TBC1D2B: variants seen among roughly 807,000 people sequenced by gnomAD.
TBC1D2B encodes the protein TBC1 domain family, member 2B.
In TBC1D2B, 64 loss-of-function variants were observed where a neutral mutation model predicts 100.8. That is an observed-to-expected ratio of 0.64 (90% CI 0.52 to 0.78). The LOEUF (loss-of-function observed/expected upper bound fraction) is 0.78, where lower values mean the gene tolerates loss of function less well. Ranked by LOEUF, TBC1D2B falls within the 30% of genes least tolerant of loss-of-function variation. The pLI, the probability that TBC1D2B is intolerant of heterozygous loss-of-function variation, is 0.00. For missense variants in TBC1D2B, 1,052 were observed against 1,218.4 expected, an observed-to-expected ratio of 0.86 and a Z score of 2.03; for synonymous variants, 480 against 479.7, an observed-to-expected ratio of 1.00 and a Z score of -0.01.
At chr15:78,048,762 G>A (rs1567029412) in intron 2 of TBC1D2B, among the ~76,000 whole-genome samples, 1 of 152,264 alleles carries the variant, frequency 6.6e-6, no homozygotes, top group East Asian at 1.9e-4. Flanking sequence ...GGGACTCCCC[G>A]CACAGGGGCG....
chr15:78,052,079 G>T (rs1287180482), intron 2 of TBC1D2B, among the ~76,000 whole-genome samples: 1 of 152,124 alleles, frequency 6.6e-6, no homozygotes, highest in African/African-American at 2.4e-5. Flanking sequence ...CTCTCCCCCA[G>T]CTCTGGCTCT....
intron 10 of TBC1D2B, among the ~76,000 whole-genome samples, chr15:78,007,180 C>G (rs548317814): frequency 6.6e-6 from 1 of 152,216 alleles, no homozygotes; most frequent in Non-Finnish European, 1.5e-5. Context: ...AGAGAACACA[C>G]GCCCCATCAG....
chr15:78,074,829 C>T (rs751625429), intron 1 of TBC1D2B, among the ~76,000 whole-genome samples: 41 of 152,336 alleles, frequency 2.7e-4, no homozygotes, highest in Admixed American at 1.0e-3. Context: ...GAGTAATCCA[C>T]GTTGACACCT....
intron 4 of TBC1D2B, 94 bp from the exon 5 acceptor site, chr15:78,025,591 A>G: frequency 1.1e-6 from 1 of 930,128 alleles, no homozygotes; most frequent in South Asian, 2.1e-5. Flanking sequence ...CAGTGGCGCA[A>G]TGTCGGCTCA....
chr15:78,064,769 A>AT (rs1224185036), intron 1 of TBC1D2B, among the ~76,000 whole-genome samples: 1 of 151,140 alleles, frequency 6.6e-6, no homozygotes, highest in African/African-American at 2.4e-5. Context: ...AAAAAAATGT[A>AT]TTTTTTTCCC....
At chr15:78,035,839 T>A (rs1182418245) in intron 3 of TBC1D2B, among the ~76,000 whole-genome samples, 2 of 152,212 alleles carry the variant, frequency 1.3e-5, no homozygotes, top group East Asian at 3.8e-4. Context: ...CCGAATTCTG[T>A]TAGAACAAGA....
chr15:78,036,808 G>A (rs1440529735), intron 3 of TBC1D2B, among the ~76,000 whole-genome samples: 7 of 152,268 alleles, frequency 4.6e-5, no homozygotes, highest in Admixed American at 2.6e-4. Flanking sequence ...GTAAGCTATC[G>A]TCCTTCAAAC....
At chr15:78,038,196 G>A (rs556572687) in intron 3 of TBC1D2B, among the ~76,000 whole-genome samples, 1 of 152,360 alleles carries the variant, frequency 6.6e-6, no homozygotes, top group South Asian at 2.1e-4. Flanking sequence ...AGTGTGAGGT[G>A]CTGGGGTAAA....
rs766253567 is a variant in TBC1D2B, at chr15:78,001,717, T to C, written c.2598A>G (p.Ala866=). Residue 866 remains alanine, a synonymous_variant, in exon 12 of 13, where the codon GCA becomes GCG. Transcript: ENST00000300584. ...GPKVIFRFAL[A]LFKYKEEEIL... ...TCTCCTCTTCCTTGTACTTAAAAAG[T>C]GCCAGAGCAAAACGGAAAATAACCT... 7.5e-6 allele frequency: 12 copies of C among 1,608,226 alleles called. No individual in the cohort carries two copies. Among genetic ancestry groups the C allele is most frequent in the South Asian group, 1.1e-5 (1 of 89,766 alleles).
chr15:78,030,590 G>A (rs761358560), intron 3 of TBC1D2B, among the ~76,000 whole-genome samples: 8 of 152,062 alleles, frequency 5.3e-5, no homozygotes, highest in Non-Finnish European at 1.0e-4. Context: ...GATTACAGGC[G>A]TGAGCCACCT....
intron 1 of TBC1D2B, among the ~76,000 whole-genome samples, chr15:78,059,186 C>T (rs2073490039): frequency 6.6e-6 from 1 of 152,204 alleles, no homozygotes; most frequent in Non-Finnish European, 1.5e-5. Flanking sequence ...CCCAGGTAAC[C>T]CTCCCATGGA....
At chr15:78,049,419 T>C (rs906559376) in intron 2 of TBC1D2B, among the ~76,000 whole-genome samples, 5 of 152,202 alleles carry the variant, frequency 3.3e-5, no homozygotes, top group African/African-American at 4.8e-5. Context: ...AAAAGGCCAA[T>C]TGGGCAGAAG....
chr15:78,046,934 C>G (rs1567028685), intron 2 of TBC1D2B, among the ~76,000 whole-genome samples: 1 of 152,200 alleles, frequency 6.6e-6, no homozygotes, highest in African/African-American at 2.4e-5. Flanking sequence ...TGGGCCTGCA[C>G]TGTGTAGGCA....
chr15:78,009,406 G>A lies in TBC1D2B; in HGVS notation c.2271-292C>T, dbSNP rs561894061. 1.9e-4 allele frequency among the ~76,000 whole-genome samples: 29 copies of A among 152,134 alleles called. No individual in the cohort carries two copies. In the South Asian group the frequency reaches 4.2e-3, roughly 22 times the overall value. On this transcript the variant is annotated intron_variant, in intron 9 of 12. Transcript: ENST00000300584. ...AAACCAAAAATCAGCCAGGAGTAGCGACGCACACCTGTAGTCCTAGCTACC... is the reference window on the plus strand; with the variant it reads ...AAACCAAAAATCAGCCAGGAGTAGCAACGCACACCTGTAGTCCTAGCTACC...
At chr15:78,074,560 A>G (rs910667062) in intron 1 of TBC1D2B, among the ~76,000 whole-genome samples, 2 of 152,232 alleles carry the variant, frequency 1.3e-5, no homozygotes, top group African/African-American at 2.4e-5. Flanking sequence ...GACCCAGTCC[A>G]AGAAATAAAA....
At chr15:78,039,569 AG>A (rs777988992) in intron 3 of TBC1D2B, among the ~76,000 whole-genome samples, 1 of 152,194 alleles carries the variant, frequency 6.6e-6, no homozygotes, top group Non-Finnish European at 1.5e-5. Context: ...ACCTGACTCA[AG>A]GAAGTGGAGA....
chr15:78,065,380 A>G (rs1341330451), intron 1 of TBC1D2B, among the ~76,000 whole-genome samples: 1 of 152,210 alleles, frequency 6.6e-6, no homozygotes. Flanking sequence ...GGCCACATCA[A>G]AGCCTCTCAC....
chr15:78,032,794 C>T (rs376694269), intron 3 of TBC1D2B, among the ~76,000 whole-genome samples: 1 of 151,858 alleles, frequency 6.6e-6, no homozygotes, highest in African/African-American at 2.4e-5. Context: ...TTGGATGACC[C>T]TGCAATAGAA....
At position 77,998,187 on chromosome 15, in the gene TBC1D2B, C is replaced by T; in HGVS notation, c.2865G>A (p.Leu955=). ...ERDTSPDKGE[L]VSDEEEDT ...AGGTATCCTCCTCCTCGTCACTGAC[C>T]AGCTCACCCTTGTCAGGGCTGGTGT... is the stretch of plus-strand genomic sequence containing the variant. The change falls in exon 13 of 13, where the codon CTG becomes CTA. Residue 955 remains leucine, a synonymous_variant. Coordinates refer to ENST00000300584, the MANE Select transcript of TBC1D2B (RefSeq NM_144572.2). 6.4e-7 allele frequency: 1 copy of T among 1,552,482 alleles called. No homozygotes were observed. Among genetic ancestry groups the T allele is most frequent in the South Asian group, 1.2e-5 (1 of 83,984 alleles).
Sources: allele counts gnomAD v4.1 joint callset (sites outside exome capture counted in the v4.1 genomes callset), GRCh38; gene constraint gnomAD v4.1.1; transcripts MANE v1.5; gene names NCBI Gene and HGNC (gene_info 2026-07-23, HGNC 2026-07-21).